The following KLHDC7B variants were observed in gnomAD, a reference collection of about 807,000 sequenced individuals.
KLHDC7B encodes the protein kelch domain-containing protein 7B.
In KLHDC7B, 1 loss-of-function variant was observed where a neutral mutation model predicts 0.6. The observed-to-expected ratio is 1.71, with a 90% CI of 0.61 to 8.11. The LOEUF (loss-of-function observed/expected upper bound fraction) is 8.11, where lower values mean the gene tolerates loss of function less well. Among genes scored for constraint, KLHDC7B ranks in the 30% most tolerant of loss-of-function variants. The pLI is 0.13. For synonymous variants in KLHDC7B, 462 were observed against 405.2 expected (o/e 1.14, Z -1.68); for missense variants, 993 against 894.9 (o/e 1.11, Z -1.40).
chr22:50,549,891 G>A lies in KLHDC7B; in HGVS notation c.3648G>A (p.Gly1216=). ...AGCCCTTCCCCTTGGGGAGCACCGGGGTCCTCAGTCCATTCATCCTGACTC... is the reference window on the plus strand; with the variant it reads ...AGCCCTTCCCCTTGGGGAGCACCGGAGTCCTCAGTCCATTCATCCTGACTC... The part of the protein sequence containing the change: ...ELQPFPLGST[G]VLSPFILTLP... Residue 1216 remains glycine (G), a synonymous_variant, in exon 1 of 1, where the codon GGG becomes GGA. Coordinates refer to ENST00000648057, the MANE Select transcript of KLHDC7B (RefSeq NM_138433.5). 2 of 1,589,406 alleles carry A rather than the reference G, an allele frequency of 1.3e-6. No individual in the cohort carries two copies. Among genetic ancestry groups the A allele is most frequent in the South Asian group, 1.1e-5 (1 of 88,416 alleles).
At position 50,549,871 on chromosome 22, in the gene KLHDC7B, T is replaced by G; in HGVS notation, c.3628T>G (p.Phe1210Val). The G allele has an allele frequency of 1.3e-6, 2 of 1,586,934 alleles. No homozygotes were observed. The highest frequency in any genetic ancestry group is 1.7e-6 in the Non-Finnish European group (2 of 1,165,748). Residue 1210 changes from phenylalanine to valine, a missense_variant, in exon 1 of 1, where the codon TTC (phenylalanine) becomes GTC (valine). Coordinates refer to ENST00000648057, the MANE Select transcript of KLHDC7B (RefSeq NM_138433.5). ...GTTCCAGGCCAAGGAGCTGCAGCCC[T>G]TCCCCTTGGGGAGCACCGGGGTCCT... ...AQFQAKELQP[F>V]PLGSTGVLSP...
At position 50,548,094 on chromosome 22, in the gene KLHDC7B, T is replaced by G; in HGVS notation, c.1851T>G (p.Pro617=). 3 of 1,233,064 alleles carry G rather than the reference T, an allele frequency of 2.4e-6. No homozygotes were observed. Among genetic ancestry groups the G allele is most frequent in the Non-Finnish European group, 3.1e-6 (3 of 971,796 alleles). 76.4% of individuals were successfully genotyped at this position (1,233,064 alleles called of 1,614,324 possible). The change falls in exon 1 of 1, where the codon CCT becomes CCG. Residue 617 remains proline (P), a synonymous_variant. Coordinates refer to ENST00000648057, the MANE Select transcript of KLHDC7B (RefSeq NM_138433.5). The surrounding 1 kb of genome is among the most constrained non-coding windows in gnomAD (Gnocchi z 5.3). ...ASPAPADGSK[P]QESVALPRRY... ...CTGCCCCAGCTGACGGGTCAAAGCC[T>G]CAGGAGAGTGTGGCTCTCCCCAGGC...
Position 50,548,187 on chromosome 22 carries a change from C to G in KLHDC7B, c.1944C>G (p.Pro648=), listed in dbSNP as rs1799111249. The G allele has an allele frequency of 6.6e-7, 1 of 1,526,108 alleles. No homozygotes were observed. The highest frequency in any genetic ancestry group is 1.2e-5 in the South Asian group (1 of 82,140). The allele number at this position is 1,526,108 out of a possible 1,614,324, so 94.5% of individuals were successfully genotyped here. Residue 648 remains proline, a synonymous_variant, in exon 1 of 1, where the codon CCC becomes CCG. Coordinates refer to ENST00000648057, the MANE Select transcript of KLHDC7B (RefSeq NM_138433.5). The surrounding 1 kb of genome is among the most constrained non-coding windows in gnomAD (Gnocchi z 5.3). ...NLIAMVLRSH[P]FPRQDRPQGS... ...TTGCCATGGTTCTTAGAAGCCACCC[C>G]TTCCCCAGGCAAGACAGGCCCCAAG...
chr22:50,548,574 C>T lies in KLHDC7B; in HGVS notation c.2331C>T (p.Cys777=), dbSNP rs1392449882. The change falls in exon 1 of 1, where the codon TGC becomes TGT. Residue 777 remains cysteine, a synonymous_variant. Transcript: ENST00000648057. This position sits in a 1 kb window ranked among gnomAD's most constrained non-coding sequence, Gnocchi z 5.3. The part of the protein sequence containing the change: ...PVPQLRKRSR[C]EIAPSSEQEV... ...CCCAGCTACGGAAACGCAGCAGGTG[C>T]GAAATCGCCCCGAGCTCGGAGCAGG... is the stretch of plus-strand genomic sequence containing the variant. 7 of 1,547,034 alleles carry T rather than the reference C, an allele frequency of 4.5e-6. No individual in the cohort carries two copies. The highest frequency in any genetic ancestry group is 4.9e-5 in the East Asian group (2 of 41,076).
chr22:50,549,962 G>C lies in KLHDC7B; in HGVS notation c.*11G>C. The C allele has an allele frequency of 6.5e-7, 1 of 1,531,066 alleles. No individual in the cohort carries two copies. Among genetic ancestry groups the C allele is most frequent in the Non-Finnish European group, 8.8e-7 (1 of 1,132,138 alleles). 94.8% of individuals were successfully genotyped at this position (1,531,066 alleles called of 1,614,324 possible). ...CAGACCTCACTCTGAGTGGCAGGCA[G>C]AGAACCAAAGCTGCTTCGCTGCTCT... On this transcript the variant is annotated 3_prime_UTR_variant, in exon 1 of 1. Transcript: ENST00000648057.
rs879095584 is a variant in KLHDC7B, at chr22:50,548,283, C to G, written c.2040C>G (p.His680Gln). 1 of 1,551,140 alleles carries G rather than the reference C, an allele frequency of 6.4e-7. No individual in the cohort carries two copies. Among genetic ancestry groups the G allele is most frequent in the Non-Finnish European group, 8.7e-7 (1 of 1,146,952 alleles). The change falls in exon 1 of 1, where the codon CAC becomes CAG. Residue 680 changes from histidine to glutamine, a missense_variant. His to Gln is a conservative substitution (Grantham distance 24). Transcript: ENST00000648057. This position sits in a 1 kb window ranked among gnomAD's most constrained non-coding sequence, Gnocchi z 5.3. ...PSTSTHSEDR[H>Q]GPSSSVGTVI... ...CTTCCACACACTCTGAGGACAGACA[C>G]GGCCCCTCTTCTTCAGTGGGGACAG...
In KLHDC7B at chr22:50,548,653, G is replaced by T; in HGVS notation, c.2410G>T (p.Gly804Cys). The T allele has an allele frequency of 6.5e-7, 1 of 1,528,612 alleles. No homozygotes were observed. Among genetic ancestry groups the T allele is most frequent in the Non-Finnish European group, 8.8e-7 (1 of 1,138,002 alleles). 94.7% of individuals were successfully genotyped at this position (1,528,612 alleles called of 1,614,324 possible). Residue 804 changes from glycine (G) to cysteine (C), a missense_variant, in exon 1 of 1, where the codon GGC becomes TGC. Gly to Cys is a radical substitution (Grantham distance 159). Transcript: ENST00000648057. This position sits in a 1 kb window ranked among gnomAD's most constrained non-coding sequence, Gnocchi z 5.3. ...DPQGEAPGEG[G>C]SPAGRSGALT... Reference sequence around the variant, plus strand: ...TCAAGGGGAGGCGCCGGGGGAGGGGGGCAGCCCTGCCGGCCGCAGCGGGGC... The same window carrying T: ...TCAAGGGGAGGCGCCGGGGGAGGGGTGCAGCCCTGCCGGCCGCAGCGGGGC...
Position 50,549,261 on chromosome 22 carries a change from C to T in KLHDC7B, c.3018C>T (p.Ser1006=), listed in dbSNP as rs147168342. The T allele has an allele frequency of 5.2e-3, 8,357 of 1,610,968 alleles. 38 individuals are homozygous for T. Among genetic ancestry groups the T allele is most frequent in the Non-Finnish European group, 6.1e-3 (7,213 of 1,179,954 alleles). ...TTCTGGCGGGGGGCATCCGTGGCTC[C>T]GGTGCCAAGGCCGTCTGCTCCAACG... ...YLFLAGGIRG[S]GAKAVCSNEV... Residue 1006 remains serine (S), a synonymous_variant, in exon 1 of 1, where the codon TCC becomes TCT. Coordinates refer to ENST00000648057, the MANE Select transcript of KLHDC7B (RefSeq NM_138433.5).
At position 50,546,535 on chromosome 22, in the gene KLHDC7B, C is replaced by T. The variant is rs966975911; in HGVS notation, c.292C>T (p.Pro98Ser). ...GQSPGQGKPE[P>S]PGRGQQSPVP... ...GAGCCCAGGGCAGGGGAAACCAGAG[C>T]CCCCAGGACGCGGCCAGCAGAGCCC... The change falls in exon 1 of 1, where the codon CCC (proline) becomes TCC (serine). Residue 98 changes from proline to serine, a missense_variant. Transcript: ENST00000648057. 1 of 398,788 alleles carries T rather than the reference C, an allele frequency of 2.5e-6. No individual in the cohort carries two copies. The highest frequency in any genetic ancestry group is 3.6e-5 in the East Asian group (1 of 28,060). 24.7% of individuals were successfully genotyped at this position (398,788 alleles called of 1,614,324 possible).
chr22:50,549,417 C>T lies in KLHDC7B; in HGVS notation c.3174C>T (p.Ser1058=), dbSNP rs957546181. Residue 1058 remains serine (S), a synonymous_variant, in exon 1 of 1, where the codon AGC becomes AGT. Coordinates refer to ENST00000648057, the MANE Select transcript of KLHDC7B (RefSeq NM_138433.5). ...LYAIGGECLY[S]MECYDPRTDA... ...CCATCGGTGGCGAATGCCTGTACAG[C>T]ATGGAGTGCTACGACCCGCGAACAG... is the stretch of plus-strand genomic sequence containing the variant. 6 of 1,612,770 alleles carry T rather than the reference C, an allele frequency of 3.7e-6. No individual in the cohort carries two copies. In the African/African-American group the frequency reaches 6.7e-5, roughly 18 times the overall value.
chr22:50,548,744 G>A lies in KLHDC7B; in HGVS notation c.2501G>A (p.Gly834Glu). Reference sequence around the variant, plus strand: ...TTTCTGCAGAGGCCCGGGGGTTGGGGGGTGGTGGAGGGGCCCCGGAAGCCC... The same window carrying A: ...TTTCTGCAGAGGCCCGGGGGTTGGGAGGTGGTGGAGGGGCCCCGGAAGCCC... Reference protein sequence around the residue: ...MVFLQRPGGWGVVEGPRKPSS... With the variant: ...MVFLQRPGGWEVVEGPRKPSS... The change falls in exon 1 of 1, where the codon GGG becomes GAG. Residue 834 changes from glycine (G) to glutamate (E), a missense_variant. Transcript: ENST00000648057. The surrounding 1 kb of genome is among the most constrained non-coding windows in gnomAD (Gnocchi z 5.3). 6.9e-7 allele frequency: 1 copy of A among 1,459,070 alleles called. No homozygotes were observed. Among genetic ancestry groups the A allele is most frequent in the East Asian group, 2.7e-5 (1 of 37,394 alleles). 90.4% of individuals were successfully genotyped at this position (1,459,070 alleles called of 1,614,324 possible). A position where few individuals can be genotyped will look rare whatever the true frequency, so the allele number is the denominator to read the frequency against.
rs531402549 is a variant in KLHDC7B, at chr22:50,546,168, C to A, written c.-76C>A. On this transcript the variant is annotated 5_prime_UTR_variant, in exon 1 of 1. Transcript: ENST00000648057. Reference sequence around the variant, plus strand: ...GGCAGCCCTTGGGGCAGGCGCTGGCCGGTGCCTCAGCCCAGGCCTCTGTGC... The same window carrying A: ...GGCAGCCCTTGGGGCAGGCGCTGGCAGGTGCCTCAGCCCAGGCCTCTGTGC... 6.6e-6 allele frequency among the ~76,000 whole-genome samples: 1 copy of A among 152,324 alleles called. No homozygotes were observed. The highest frequency in any genetic ancestry group is 1.9e-4 in the East Asian group (1 of 5,188).
rs751088145 is a variant in KLHDC7B at position 50,549,333 on chromosome 22, G to C, written c.3090G>C (p.Arg1030=). Residue 1030 remains arginine (R), a synonymous_variant, in exon 1 of 1, where the codon CGG becomes CGC. Coordinates refer to ENST00000648057, the MANE Select transcript of KLHDC7B (RefSeq NM_138433.5). ...NPLTNIWSQV[R]PMQQARAQLK... is the part of the protein sequence containing the mutation. The stretch of plus-strand genomic sequence containing the variant: ...TGACCAACATCTGGAGCCAGGTTCG[G>C]CCCATGCAGCAGGCCCGAGCCCAGC... 1.9e-6 allele frequency: 3 copies of C among 1,612,804 alleles called. No individual in the cohort carries two copies. The highest frequency in any genetic ancestry group is 2.5e-6 in the Non-Finnish European group (3 of 1,179,980).
rs779411494 is a variant in KLHDC7B at position 50,549,921 on chromosome 22, C to G, written c.3678C>G (p.Pro1226=). 6.3e-7 allele frequency: 1 copy of G among 1,581,338 alleles called. No homozygotes were observed. Among genetic ancestry groups the G allele is most frequent in the East Asian group, 2.3e-5 (1 of 43,782 alleles). Residue 1226 remains proline, a synonymous_variant, in exon 1 of 1, where the codon CCC becomes CCG. Transcript: ENST00000648057. ...GVLSPFILTL[P]PEDRLQTSL is the part of the protein sequence containing the mutation. ...TCAGTCCATTCATCCTGACTCTGCC[C>G]CCTGAGGACCGGCTGCAGACCTCAC...
rs1325404120 is a variant in KLHDC7B at position 50,547,440 on chromosome 22, G to A, written c.1197G>A (p.Lys399=). ...CCACCCGGCCCCCGGAGCAAGCAAA[G>A]CCGGCTGCAGCCGGCCACAGCCGCG... The part of the protein sequence containing the change: ...LGPTRPPEQA[K]PAAAGHSRAP... The change falls in exon 1 of 1, where the codon AAG becomes AAA. Residue 399 remains lysine, a synonymous_variant. Coordinates refer to ENST00000648057, the MANE Select transcript of KLHDC7B (RefSeq NM_138433.5). The A allele has an allele frequency of 2.1e-5, 8 of 372,744 alleles. No homozygotes were observed. The East Asian group carries it at 3.1e-4, about 15-fold the overall frequency. The allele number at this position is 372,744 out of a possible 1,614,324, so 23.1% of individuals were successfully genotyped here.
rs747752028 is a variant in KLHDC7B at position 50,548,898 on chromosome 22, G to T, written c.2655G>T (p.Ala885=). 56 of 1,585,344 alleles carry T rather than the reference G, an allele frequency of 3.5e-5. No homozygotes were observed. Among genetic ancestry groups the T allele is most frequent in the Non-Finnish European group, 4.8e-5 (56 of 1,167,388 alleles). ...CCGGCCTGGCGCAGGAGACCTACGC[G>T]CTGATGAGCGACAACCTGCTGCGAG... The part of the protein sequence containing the change: ...GEPGLAQETY[A]LMSDNLLRVL... Residue 885 remains alanine (A), a synonymous_variant, in exon 1 of 1, where the codon GCG becomes GCT. Coordinates refer to ENST00000648057, the MANE Select transcript of KLHDC7B (RefSeq NM_138433.5). The surrounding 1 kb of genome is among the most constrained non-coding windows in gnomAD (Gnocchi z 5.3).
In KLHDC7B at chr22:50,549,742, C is replaced by CT; in HGVS notation, c.1577dup (p.Pro527AlafsTer61). 2 of 1,589,256 alleles carry CT rather than the reference C, an allele frequency of 1.3e-6. No individual in the cohort carries two copies. The highest frequency in any genetic ancestry group is 1.7e-5 in the Admixed American group (1 of 57,710). On this transcript the variant is annotated frameshift_variant, in exon 1 of 1. Coordinates refer to the KLHDC7B transcript ENST00000395676. LOFTEE classifies it low-confidence loss of function (END_TRUNC). ...CTGGAGCAGGGCTGCCTCCCTGCCC[C>CT]TGCCCGCCCCCGCCCCACTGCACTG...
At position 50,547,522 on chromosome 22, in the gene KLHDC7B, G is replaced by A. The variant is rs1335759785; in HGVS notation, c.1279G>A (p.Gly427Ser). 4 of 397,914 alleles carry A rather than the reference G, an allele frequency of 1.0e-5. No individual in the cohort carries two copies. Among genetic ancestry groups the A allele is most frequent in the Non-Finnish European group, 1.8e-5 (4 of 225,728 alleles). 24.6% of individuals were successfully genotyped at this position (397,914 alleles called of 1,614,324 possible). A position where few individuals can be genotyped will look rare whatever the true frequency, so the allele number is the denominator to read the frequency against. Residue 427 changes from glycine to serine, a missense_variant, in exon 1 of 1, where the codon GGC becomes AGC. Coordinates refer to ENST00000648057, the MANE Select transcript of KLHDC7B (RefSeq NM_138433.5). ...PRSASPPAAPGPGFPPEALTL... is the reference protein window; with the variant it reads ...PRSASPPAAPSPGFPPEALTL... Reference sequence around the variant, plus strand: ...CTCCGCCTCCCCGCCCGCAGCTCCCGGCCCGGGGTTCCCACCTGAAGCCCT... The same window carrying A: ...CTCCGCCTCCCCGCCCGCAGCTCCCAGCCCGGGGTTCCCACCTGAAGCCCT...
In KLHDC7B at chr22:50,549,642, G is replaced by T; in HGVS notation, c.3399G>T (p.Gly1133=). ...HRRSSDIVAL[G]GFLYRFDLLR... is the part of the protein sequence containing the mutation. ...GTTCCAGCGACATCGTGGCACTGGG[G>T]GGCTTCCTGTACCGCTTCGACCTGC... Residue 1133 remains glycine (G), a synonymous_variant, in exon 1 of 1, where the codon GGG becomes GGT. Transcript: ENST00000648057. 6.4e-7 allele frequency: 1 copy of T among 1,556,502 alleles called. No individual in the cohort carries two copies. The highest frequency in any genetic ancestry group is 1.2e-5 in the South Asian group (1 of 82,752).
Sources: allele counts gnomAD v4.1 joint callset (sites outside exome capture counted in the v4.1 genomes callset), GRCh38; gene constraint gnomAD v4.1.1; non-coding constraint Gnocchi (gnomAD v3.1); transcripts MANE v1.5; gene names NCBI Gene and HGNC (gene_info 2026-07-23, HGNC 2026-07-21).